The following ARB2A variants were observed in gnomAD, a reference collection of about 807,000 sequenced individuals.
ARB2A encodes ARB2 cotranscriptional regulator A.
chr5:93,881,679 C>T, the ARB2A span: 1 of 1,523,136 alleles, frequency 6.6e-7, no homozygotes, highest in Non-Finnish European at 8.8e-7. Flanking sequence ...ACTATTACTC[C>T]ATATCCTTCC....
the ARB2A span, among the ~76,000 whole-genome samples, chr5:93,945,139 C>A: frequency 1.3e-5 from 2 of 152,148 alleles, no homozygotes; most frequent in Admixed American, 1.3e-4. Context: ...GAGATTTTTC[C>A]TTTGCAGAAA....
chr5:93,901,852 T>C, the ARB2A span, among the ~76,000 whole-genome samples: 1 of 152,118 alleles, frequency 6.6e-6, no homozygotes, highest in Non-Finnish European at 1.5e-5. Flanking sequence ...AGCAGGACTT[T>C]TGACGGTTAA....
the ARB2A span, among the ~76,000 whole-genome samples, chr5:93,920,052 T>C: frequency 6.6e-6 from 1 of 152,166 alleles, no homozygotes; most frequent in Non-Finnish European, 1.5e-5. Flanking sequence ...ATACATCAGG[T>C]CAATTAAAAT....
chr5:93,688,793 C>T, the ARB2A span, among the ~76,000 whole-genome samples: 5 of 152,110 alleles, frequency 3.3e-5, no homozygotes, highest in Admixed American at 6.5e-5. Flanking sequence ...CAAACTGATG[C>T]TTCTGCCCTA....
At chr5:93,659,902 C>T in the ARB2A span, among the ~76,000 whole-genome samples, 1 of 152,106 alleles carries the variant, frequency 6.6e-6, no homozygotes, top group Admixed American at 6.6e-5. Flanking sequence ...CCTGAAGTTC[C>T]ACTTTGTCAC....
At chr5:93,959,395 A>C in the ARB2A span, among the ~76,000 whole-genome samples, 1 of 152,100 alleles carries the variant, frequency 6.6e-6, no homozygotes, top group Admixed American at 6.6e-5. Flanking sequence ...ATTGAGGCTT[A>C]GGGAGTTTAA....
At chr5:93,689,516 C>A in the ARB2A span, among the ~76,000 whole-genome samples, 5 of 152,162 alleles carry the variant, frequency 3.3e-5, no homozygotes, top group Non-Finnish European at 7.3e-5. Context: ...CAGATCTGAC[C>A]GCATAACTGA....
At chr5:93,785,736 T>C in the ARB2A span, among the ~76,000 whole-genome samples, 3 of 152,168 alleles carry the variant, frequency 2.0e-5, no homozygotes, top group African/African-American at 7.2e-5. Flanking sequence ...TTATATAATA[T>C]AAAAATCTTA....
chr5:93,669,799 G>A, the ARB2A span, among the ~76,000 whole-genome samples: 23 of 152,246 alleles, frequency 1.5e-4, no homozygotes, highest in Middle Eastern at 0.014. Context: ...TTACATTCTA[G>A]TCAAATAACT....
At chr5:94,020,245 G>A in the ARB2A span, among the ~76,000 whole-genome samples, 2 of 151,638 alleles carry the variant, frequency 1.3e-5, no homozygotes, top group South Asian at 4.2e-4. Context: ...CACGGGGCGG[G>A]GGGGGTAACA....
chr5:93,985,052 T>C, the ARB2A span, among the ~76,000 whole-genome samples: 3 of 152,206 alleles, frequency 2.0e-5, no homozygotes, highest in Non-Finnish European at 4.4e-5. Flanking sequence ...TTAATGTTTC[T>C]CTGAGCCAAT....
chr5:93,698,851 A>T, the ARB2A span, among the ~76,000 whole-genome samples: 1 of 152,200 alleles, frequency 6.6e-6, no homozygotes, highest in Non-Finnish European at 1.5e-5. Context: ...TGTAGGTAGG[A>T]GAGGCAATAG....
the ARB2A span, among the ~76,000 whole-genome samples, chr5:93,754,628 C>T: frequency 2.6e-5 from 4 of 152,186 alleles, no homozygotes; most frequent in African/African-American, 4.8e-5. Context: ...GTGCTCTATA[C>T]GCTTGTCTGT....
chr5:93,762,676 A>T, the ARB2A span, among the ~76,000 whole-genome samples: 1 of 152,226 alleles, frequency 6.6e-6, no homozygotes, highest in Admixed American at 6.5e-5. Flanking sequence ...GCAGGCCAAC[A>T]TTCAAATTCA....
chr5:93,705,643 GTGTGTGTGTATATA>G, the ARB2A span, among the ~76,000 whole-genome samples: 6 of 146,252 alleles, frequency 4.1e-5, no homozygotes, highest in African/African-American at 1.6e-4. Flanking sequence ...GTGTGTGTGT[GTGTGTGTGTATATA>G]TATATATATA....
chr5:93,848,363 C>A, the ARB2A span, among the ~76,000 whole-genome samples: 1 of 145,836 alleles, frequency 6.9e-6, no homozygotes. Context: ...AGCTTGGCGA[C>A]AGAGCGAGAC....
the ARB2A span, among the ~76,000 whole-genome samples, chr5:93,676,761 T>C: frequency 6.6e-6 from 1 of 152,206 alleles, no homozygotes; most frequent in East Asian, 1.9e-4. Context: ...ATAAGAAATC[T>C]TGTTTCCAAG....
At chr5:93,685,901 C>A in the ARB2A span, among the ~76,000 whole-genome samples, 1 of 152,110 alleles carries the variant, frequency 6.6e-6, no homozygotes, top group Admixed American at 6.6e-5. Context: ...TATTCTGGAC[C>A]AAGGCTGCCA....
chr5:93,874,034 C>A, the ARB2A span, among the ~76,000 whole-genome samples: 1 of 152,182 alleles, frequency 6.6e-6, no homozygotes, highest in Non-Finnish European at 1.5e-5. Flanking sequence ...AGCTACAGAT[C>A]TAAAACAAAT....
Sources: allele counts gnomAD v4.1 joint callset (sites outside exome capture counted in the v4.1 genomes callset), GRCh38; gene constraint gnomAD v4.1.1; transcripts MANE v1.5; gene names NCBI Gene and HGNC (gene_info 2026-07-23, HGNC 2026-07-21).